The following PHACTR2 variants were observed in gnomAD, a reference collection of about 807,000 sequenced individuals.
PHACTR2 encodes phosphatase and actin regulator 2, also known as chromosome 6 open reading frame 56.
PHACTR2 carries 30 observed loss-of-function variants against 76.0 expected under a neutral mutation model. That is an observed-to-expected ratio of 0.39 (90% CI 0.30 to 0.54). The LOEUF (loss-of-function observed/expected upper bound fraction) is 0.54. PHACTR2 is among the 20% of genes least tolerant of loss of function. PHACTR2 has a pLI of 0.61. For synonymous variants in PHACTR2, 292 were observed against 292.5 expected, an observed-to-expected ratio of 1.00 and a Z score of 0.02; for missense variants, 696 against 781.1, an observed-to-expected ratio of 0.89 and a Z score of 1.30.
chr6:143,820,932 A>G lies in PHACTR2; in HGVS notation c.1923-2742A>G, dbSNP rs1278456696. The stretch of plus-strand genomic sequence containing the variant: ...CTTCCATCACTTTTGCATTCTGTGC[A>G]TCTGCAGGCTTAACATCATGTAGAA... On this transcript the variant is annotated intron_variant, in intron 12 of 12. Transcript: ENST00000440869. This position sits in a 1 kb window ranked among gnomAD's most constrained non-coding sequence, Gnocchi z 4.2. Among the ~76,000 whole-genome samples the G allele has an allele frequency of 6.6e-6, 1 of 152,210 alleles. No individual in the cohort carries two copies. Among genetic ancestry groups the G allele is most frequent in the Non-Finnish European group, 1.5e-5 (1 of 68,044 alleles).
chr6:143,737,953 T>G (rs1054156174), intron 2 of PHACTR2, among the ~76,000 whole-genome samples: 2 of 152,224 alleles, frequency 1.3e-5, no homozygotes, highest in African/African-American at 4.8e-5. Context: ...TTAAGAAACC[T>G]GGTCTGATTG....
Position 143,625,648 on chromosome 6 carries a change from CTTTG to C in PHACTR2, c.13+17330_13+17333del, listed in dbSNP as rs779979082. 1.2e-4 allele frequency among the ~76,000 whole-genome samples: 19 copies of C among 152,192 alleles called. No homozygotes were observed. The highest frequency in any genetic ancestry group is 2.1e-4 in the Non-Finnish European group (14 of 68,004). On this transcript the variant is annotated intron_variant, in intron 1 of 11. Transcript: ENST00000305766. This position sits in a 1 kb window ranked among gnomAD's most constrained non-coding sequence, Gnocchi z 4.3. ...GATGAAGCTTATTAGTTCTTATTTT[CTTTG>C]TTTATCATAATTTTAGAATATAATT...
chr6:143,719,260 A>G (rs1341903483), intron 2 of PHACTR2, among the ~76,000 whole-genome samples: 1 of 148,950 alleles, frequency 6.7e-6, no homozygotes, highest in Non-Finnish European at 1.5e-5. Context: ...TTCCTAATTT[A>G]CTGTATCAGG....
chr6:143,606,232 C>G (rs766344730), upstream of PHACTR2, among the ~76,000 whole-genome samples: 2 of 148,956 alleles, frequency 1.3e-5, no homozygotes, highest in Admixed American at 1.3e-4. Flanking sequence ...AGTTATGACA[C>G]TAAATGCATT....
In PHACTR2 at chr6:143,672,658, T is replaced by G. The variant is rs1466129033; in HGVS notation, c.14-39358T>G. The stretch of plus-strand genomic sequence containing the variant: ...ATTTGCTAAAGTTCAGAGCCTTCTC[T>G]GTACTAACCTACTGGGCATCCCTAG... On this transcript the variant is annotated intron_variant, in intron 1 of 11. Coordinates refer to the PHACTR2 transcript ENST00000305766. This position sits in a 1 kb window ranked among gnomAD's most constrained non-coding sequence, Gnocchi z 5.8. Among the ~76,000 whole-genome samples the G allele has an allele frequency of 1.3e-5, 2 of 152,200 alleles. No homozygotes were observed. The highest frequency in any genetic ancestry group is 2.9e-5 in the Non-Finnish European group (2 of 68,028).
At chr6:143,603,008 G>A (rs575313213) in intron 1 of PHACTR2, among the ~76,000 whole-genome samples, 2 of 152,104 alleles carry the variant, frequency 1.3e-5, no homozygotes, top group Admixed American at 1.3e-4. Flanking sequence ...AGCCAGACAT[G>A]GTGGTGCATG....
In PHACTR2 at chr6:143,791,015, C is replaced by T. The variant is rs967214265; in HGVS notation, c.1845+2105C>T. 1.3e-5 allele frequency among the ~76,000 whole-genome samples: 2 copies of T among 152,168 alleles called. No homozygotes were observed. Among genetic ancestry groups the T allele is most frequent in the African/African-American group, 4.8e-5 (2 of 41,430 alleles). ...AACTTAATACAGTCGAATTTATCAA[C>T]CTTTTTCTTTATGGCTTATGATTTT... On this transcript the variant is annotated intron_variant, in intron 11 of 12. Coordinates refer to ENST00000440869, the MANE Select transcript of PHACTR2 (RefSeq NM_001100164.2). The surrounding 1 kb of genome is among the most constrained non-coding windows in gnomAD (Gnocchi z 4.7).
chr6:143,573,816 C>T (rs79497826), intron 1 of PHACTR2, among the ~76,000 whole-genome samples: 1,686 of 152,332 alleles, frequency 0.011, 17 homozygotes, highest in Non-Finnish European at 0.017. Flanking sequence ...CATTTAGCAG[C>T]ACTCTGAGGG....
In PHACTR2 at chr6:143,807,217, C is replaced by A; in HGVS notation, c.1922+84C>A. The A allele has an allele frequency of 1.3e-6, 1 of 780,026 alleles. No individual in the cohort carries two copies. The highest frequency in any genetic ancestry group is 2.2e-6 in the Non-Finnish European group (1 of 462,544). 48.3% of individuals were successfully genotyped at this position (780,026 alleles called of 1,614,324 possible). A position where few individuals can be genotyped will look rare whatever the true frequency, so the allele number is the denominator to read the frequency against. ...GTTGGTTAAAAAAAGAAATTGCTTA[C>A]AATGGTAAATTTTATGATAGGTATA... is the stretch of plus-strand genomic sequence containing the variant. On this transcript the variant is annotated intron_variant, in intron 12 of 12. Transcript: ENST00000440869. The surrounding 1 kb of genome is among the most constrained non-coding windows in gnomAD (Gnocchi z 5.5).
At chr6:143,643,217 A>C (rs1776597799) in intron 1 of PHACTR2, among the ~76,000 whole-genome samples, 1 of 152,190 alleles carries the variant, frequency 6.6e-6, no homozygotes, top group Non-Finnish European at 1.5e-5. Flanking sequence ...TATTTCATAA[A>C]TAATCTATCC....
rs1776202848 is a variant in PHACTR2 at position 143,623,775 on chromosome 6, C to G, written c.13+15453C>G. 6.6e-6 allele frequency among the ~76,000 whole-genome samples: 1 copy of G among 152,156 alleles called. No individual in the cohort carries two copies. The highest frequency in any genetic ancestry group is 1.5e-5 in the Non-Finnish European group (1 of 68,036). On this transcript the variant is annotated intron_variant, in intron 1 of 11. Transcript: ENST00000305766. The surrounding 1 kb of genome is among the most constrained non-coding windows in gnomAD (Gnocchi z 5.9). Reference sequence around the variant, plus strand: ...AAAAGGGGAATTTTTATATTTTACTCTAGACTTTTCTATTTTTGGTTTTGT... The same window carrying G: ...AAAAGGGGAATTTTTATATTTTACTGTAGACTTTTCTATTTTTGGTTTTGT...
chr6:143,792,710 G>T (rs571133322), intron 11 of PHACTR2, among the ~76,000 whole-genome samples: 1 of 152,124 alleles, frequency 6.6e-6, no homozygotes, highest in African/African-American at 2.4e-5. Flanking sequence ...GGTAAGGAAG[G>T]CTCAGAGACT....
chr6:143,666,222 G>C (rs1777032677), intron 1 of PHACTR2, among the ~76,000 whole-genome samples: 1 of 152,092 alleles, frequency 6.6e-6, no homozygotes. Context: ...CTTTTTTATG[G>C]CTGCATAGTA....
In PHACTR2 at chr6:143,592,190, C is replaced by T. The variant is rs1441898760; in HGVS notation, c.217+54983C>T. The stretch of plus-strand genomic sequence containing the variant: ...ATAGAACATATGGTAACTAATAGTT[C>T]GTTAGCTTGATTTACAGCTTTTAAA... On this transcript the variant is annotated intron_variant, in intron 1 of 11. Coordinates refer to the PHACTR2 transcript ENST00000367584. This position sits in a 1 kb window ranked among gnomAD's most constrained non-coding sequence, Gnocchi z 4.0. Among the ~76,000 whole-genome samples, 2 of 152,126 alleles carry T rather than the reference C, an allele frequency of 1.3e-5. No individual in the cohort carries two copies. The highest frequency in any genetic ancestry group is 2.4e-5 in the African/African-American group (1 of 41,410).
Position 143,684,209 on chromosome 6 carries a change from GC to G in PHACTR2, c.46+6001del, listed in dbSNP as rs1269656115. On this transcript the variant is annotated intron_variant, in intron 1 of 12. Coordinates refer to ENST00000440869, the MANE Select transcript of PHACTR2 (RefSeq NM_001100164.2). The surrounding 1 kb of genome is among the most constrained non-coding windows in gnomAD (Gnocchi z 4.3). ...ATTTGACAGGTCTGCTTGAAAACTTGCTGGGCATCCCAGAGGTAACATGGAT... is the reference window on the plus strand; with the variant it reads ...ATTTGACAGGTCTGCTTGAAAACTTGTGGGCATCCCAGAGGTAACATGGAT... Among the ~76,000 whole-genome samples, 15 of 152,202 alleles carry G rather than the reference GC, an allele frequency of 9.9e-5. No individual in the cohort carries two copies. The Middle Eastern group carries it at 0.01, about 104-fold the overall frequency.
At chr6:143,564,272 A>G (rs1392553967) in intron 1 of PHACTR2, among the ~76,000 whole-genome samples, 1 of 141,578 alleles carries the variant, frequency 7.1e-6, no homozygotes, top group Admixed American at 7.1e-5. Flanking sequence ...CAACAGAGTG[A>G]GAACCTGTCT....
intron 2 of PHACTR2, among the ~76,000 whole-genome samples, chr6:143,721,209 C>T (rs1034600841): frequency 1.3e-5 from 2 of 152,126 alleles, no homozygotes; most frequent in Admixed American, 1.3e-4. Flanking sequence ...AATAATAATG[C>T]ATTATTGCCT....
rs1317709836 is a variant in PHACTR2 at position 143,828,305 on chromosome 6, G to A, written c.*4616G>A. On this transcript the variant is annotated 3_prime_UTR_variant, in exon 13 of 13. Transcript: ENST00000440869. This position sits in a 1 kb window ranked among gnomAD's most constrained non-coding sequence, Gnocchi z 4.7. ...CCCAGGTTTCAAAGAAGTAGCACTG[G>A]GCTCTACTGTAAAGGCAGGCAGTGA... The A allele has an allele frequency of 1.3e-5, 2 of 152,126 alleles. No individual in the cohort carries two copies. The highest frequency in any genetic ancestry group is 2.1e-4 in the South Asian group (1 of 4,810). The allele number at this position is 152,126 out of a possible 1,614,324, so 9.4% of individuals were successfully genotyped here.
chr6:143,718,876 T>G (rs941278166), intron 2 of PHACTR2, among the ~76,000 whole-genome samples: 16 of 119,988 alleles, frequency 1.3e-4, no homozygotes, highest in East Asian at 4.7e-4. Flanking sequence ...GTTGGAAGTG[T>G]TTTTTTTTTT....
Sources: allele counts gnomAD v4.1 joint callset (sites outside exome capture counted in the v4.1 genomes callset), GRCh38; gene constraint gnomAD v4.1.1; non-coding constraint Gnocchi (gnomAD v3.1); transcripts MANE v1.5; gene names NCBI Gene and HGNC (gene_info 2026-07-23, HGNC 2026-07-21).